The following PVT1 variants were observed in gnomAD, a reference collection of about 807,000 sequenced individuals.
The protein encoded by PVT1 is CXCR4/PVT1 fusion.
At chr8:127,888,506 C>T (rs1563630935) in intron 2 of PVT1, among the ~76,000 whole-genome samples, 3 of 152,184 alleles carry the variant, frequency 2.0e-5, no homozygotes, top group African/African-American at 2.4e-5. Flanking sequence ...TGTTGCATGT[C>T]AAAAGGGACT....
intron 3 of PVT1, among the ~76,000 whole-genome samples, chr8:127,951,322 G>A (rs1816503040): frequency 6.6e-6 from 1 of 152,164 alleles, no homozygotes. Context: ...CTGAGGCAAA[G>A]CTCCCTGCAC....
intron 4 of PVT1, among the ~76,000 whole-genome samples, chr8:128,012,133 T>A (rs1425932056): frequency 6.6e-6 from 1 of 152,158 alleles, no homozygotes; most frequent in African/African-American, 2.4e-5. Context: ...ATCAAAACAT[T>A]AGAGTTGACA....
intron 2 of PVT1, among the ~76,000 whole-genome samples, chr8:127,817,189 TCTCAAAAGAAATGCTCTTG>T (rs1814671190): frequency 6.6e-6 from 1 of 151,848 alleles, no homozygotes; most frequent in Non-Finnish European, 1.5e-5. Flanking sequence ...TCAGCAATCA[TCTCAAAAGAAATGCTCTTG>T]GTGTGATGGT....
At chr8:128,015,043 A>G (rs991681128) in intron 4 of PVT1, among the ~76,000 whole-genome samples, 39 of 150,972 alleles carry the variant, frequency 2.6e-4, no homozygotes, top group Non-Finnish European at 3.4e-4. Context: ...AAGAGAAAGA[A>G]AAGAGAAATA....
At chr8:127,989,850 T>C (rs76004541) in intron 4 of PVT1, among the ~76,000 whole-genome samples, 2,919 of 152,208 alleles carry the variant, frequency 0.019, 41 homozygotes, top group South Asian at 0.035. Flanking sequence ...ACTTGCCTCA[T>C]TTTGGACAAG....
At chr8:127,820,546 G>A (rs914436726) in intron 2 of PVT1, among the ~76,000 whole-genome samples, 3 of 152,118 alleles carry the variant, frequency 2.0e-5, no homozygotes, top group Non-Finnish European at 4.4e-5. Context: ...TCTCCCTCGA[G>A]GGAAGGAGGT....
At chr8:127,847,982 C>T (rs1468331336) in intron 2 of PVT1, among the ~76,000 whole-genome samples, 1 of 152,072 alleles carries the variant, frequency 6.6e-6, no homozygotes, top group African/African-American at 2.4e-5. Context: ...TAGCTTGCTG[C>T]AACCTCAGAC....
chr8:127,991,115 C>T (rs1374189698), intron 4 of PVT1, among the ~76,000 whole-genome samples: 2 of 150,902 alleles, frequency 1.3e-5, no homozygotes, highest in South Asian at 2.1e-4. Flanking sequence ...GGGAGCCCTA[C>T]GTAGCTCTTT....
chr8:128,092,273 C>G (rs1466734654), intron 5 of PVT1, among the ~76,000 whole-genome samples: 1 of 152,130 alleles, frequency 6.6e-6, no homozygotes, highest in South Asian at 2.1e-4. Context: ...AACACACCAA[C>G]CTTTGCTTAA....
At chr8:127,896,775 C>A (rs921894374) in intron 3 of PVT1, among the ~76,000 whole-genome samples, 7 of 112,374 alleles carry the variant, frequency 6.2e-5, no homozygotes, top group Non-Finnish European at 1.1e-4. Flanking sequence ...TGCCTTTCCT[C>A]CCCCCCCCCG....
intron 2 of PVT1, among the ~76,000 whole-genome samples, chr8:127,811,741 T>C (rs541567800): frequency 7.9e-5 from 12 of 152,330 alleles, no homozygotes; most frequent in African/African-American, 2.2e-4. Context: ...GTTTTTGTTT[T>C]TTGTTTTTTG....
At chr8:127,979,690 AG>A (rs1164639126) in intron 3 of PVT1, among the ~76,000 whole-genome samples, 1 of 152,214 alleles carries the variant, frequency 6.6e-6, no homozygotes, top group Admixed American at 6.5e-5. Flanking sequence ...AATTGAGGTG[AG>A]GGTTGATCAG....
chr8:127,874,812 T>C lies in PVT1; in HGVS notation n.373-15777T>C, dbSNP rs118134365. 3.7e-4 allele frequency among the ~76,000 whole-genome samples: 56 copies of C among 152,270 alleles called. No homozygotes were observed. The East Asian group carries it at 0.011, about 29-fold the overall frequency. ...TCCCTTCCTTCACATCCCTGGTGGG[T>C]ACCCTTCCCACCTGCAGGAAGCCTA... On this transcript the variant is annotated intron_variant and non_coding_transcript_variant, in intron 2 of 10. Coordinates refer to ENST00000651587, the Ensembl canonical transcript of PVT1.
At chr8:127,911,156 C>T (rs1472660746) in intron 3 of PVT1, among the ~76,000 whole-genome samples, 2 of 152,154 alleles carry the variant, frequency 1.3e-5, no homozygotes, top group East Asian at 3.9e-4. Context: ...CAGAGGAGGT[C>T]AGACAGGTGG....
At chr8:127,888,444 A>T (rs1490582061) in intron 2 of PVT1, among the ~76,000 whole-genome samples, 2 of 152,224 alleles carry the variant, frequency 1.3e-5, no homozygotes, top group Non-Finnish European at 2.9e-5. Context: ...TATGGCAGGC[A>T]GAATAACGTC....
At chr8:128,000,799 A>G (rs1357255106) in intron 4 of PVT1, among the ~76,000 whole-genome samples, 1 of 152,178 alleles carries the variant, frequency 6.6e-6, no homozygotes, top group Admixed American at 6.5e-5. Flanking sequence ...ATCAGAGATG[A>G]CAGCCCAGCC....
At chr8:127,973,776 G>A (rs1484436850) in intron 3 of PVT1, among the ~76,000 whole-genome samples, 2 of 150,764 alleles carry the variant, frequency 1.3e-5, no homozygotes, top group Admixed American at 6.6e-5. Flanking sequence ...TCAGGAGATC[G>A]AGACCATCCT....
At chr8:127,993,014 T>A (rs1451437632) in intron 4 of PVT1, among the ~76,000 whole-genome samples, 1 of 152,260 alleles carries the variant, frequency 6.6e-6, no homozygotes, top group Non-Finnish European at 1.5e-5. Context: ...CTCGGAACTC[T>A]ACGCTTGAAA....
chr8:128,053,990 C>A (rs889025117), intron 4 of PVT1, among the ~76,000 whole-genome samples: 3 of 152,218 alleles, frequency 2.0e-5, no homozygotes, highest in African/African-American at 7.2e-5. Context: ...AAACAGCTGC[C>A]TTTAGTGGGG....
Sources: allele counts gnomAD v4.1 joint callset (sites outside exome capture counted in the v4.1 genomes callset), GRCh38; gene constraint gnomAD v4.1.1; transcripts MANE v1.5; gene names NCBI Gene and HGNC (gene_info 2026-07-23, HGNC 2026-07-21).